Variants in KCTD16 observed in about 807,000 individuals in gnomAD.
KCTD16 encodes potassium channel tetramerization domain containing 16, also known as BTB/POZ domain-containing protein KCTD16.
A neutral mutation model predicts 33.2 loss-of-function variants in KCTD16; 13 were observed. The observed-to-expected ratio is 0.39, with a 90% CI of 0.25 to 0.62. KCTD16 has a LOEUF of 0.62. Ranked by LOEUF, KCTD16 falls within the 20% of genes least tolerant of loss-of-function variation. KCTD16 has a pLI of 0.50. For missense variants in KCTD16, 441 were observed against 525.1 expected, an observed-to-expected ratio of 0.84 and a Z score of 1.57; for synonymous variants, 197 against 195.3, an observed-to-expected ratio of 1.01 and a Z score of -0.07.
intron 2 of KCTD16, among the ~76,000 whole-genome samples, chr5:144,199,790 C>T (rs904129912): frequency 1.5e-5 from 2 of 135,636 alleles, no homozygotes; most frequent in Non-Finnish European, 3.0e-5. Context: ...AATCTTGGCT[C>T]ATTGCAATCT....
intron 3 of KCTD16, among the ~76,000 whole-genome samples, chr5:144,274,082 A>C (rs956394083): frequency 4.9e-4 from 75 of 151,692 alleles, no homozygotes; most frequent in African/African-American, 1.6e-3. Context: ...TTTTAAGAAA[A>C]AGGTTAAAAT....
intron 3 of KCTD16, among the ~76,000 whole-genome samples, chr5:144,259,547 T>G (rs1754949329): frequency 6.6e-6 from 1 of 152,220 alleles, no homozygotes; most frequent in African/African-American, 2.4e-5. Context: ...CAAACCTGTC[T>G]TCTTTTATTG....
At chr5:144,319,305 G>A (rs1010417006) in intron 3 of KCTD16, among the ~76,000 whole-genome samples, 1 of 151,538 alleles carries the variant, frequency 6.6e-6, no homozygotes, top group African/African-American at 2.4e-5. Flanking sequence ...AATAACTTAC[G>A]CAGACTCACA....
chr5:144,353,531 A>G (rs1173369051), intron 3 of KCTD16, among the ~76,000 whole-genome samples: 1 of 152,168 alleles, frequency 6.6e-6, no homozygotes, highest in Non-Finnish European at 1.5e-5. Flanking sequence ...ATTTTATGTC[A>G]TTATTGTAAA....
chr5:144,237,493 C>T (rs1754286589), intron 3 of KCTD16, among the ~76,000 whole-genome samples: 1 of 152,032 alleles, frequency 6.6e-6, no homozygotes, highest in South Asian at 2.1e-4. Flanking sequence ...TCTTTGGTCA[C>T]TTTTTCCTAG....
At chr5:144,209,786 A>AT (rs1753308499) in intron 3 of KCTD16, among the ~76,000 whole-genome samples, 1 of 123,012 alleles carries the variant, frequency 8.1e-6, no homozygotes, top group African/African-American at 3.5e-5. Flanking sequence ...GCTTAGGGGG[A>AT]AATATATATA....
chr5:144,340,945 T>G (rs1459484769), intron 3 of KCTD16, among the ~76,000 whole-genome samples: 1 of 151,874 alleles, frequency 6.6e-6, no homozygotes, highest in Non-Finnish European at 1.5e-5. Flanking sequence ...AGCTACTAGG[T>G]GAGGCAGGAG....
intron 3 of KCTD16, among the ~76,000 whole-genome samples, chr5:144,336,267 G>C (rs1005150754): frequency 6.6e-6 from 1 of 152,194 alleles, no homozygotes; most frequent in Non-Finnish European, 1.5e-5. Flanking sequence ...CTTACTCCCT[G>C]GTGCCTGTAA....
At chr5:144,283,818 T>C (rs1755670346) in intron 3 of KCTD16, among the ~76,000 whole-genome samples, 1 of 152,170 alleles carries the variant, frequency 6.6e-6, no homozygotes, top group East Asian at 1.9e-4. Flanking sequence ...GGACTTTCAT[T>C]ACCTGGAGGA....
At chr5:144,281,986 G>A (rs567135591) in intron 3 of KCTD16, among the ~76,000 whole-genome samples, 6 of 152,008 alleles carry the variant, frequency 3.9e-5, no homozygotes, top group African/African-American at 7.2e-5. Context: ...TACATATTTG[G>A]TCTTTCTCTT....
intron 3 of KCTD16, among the ~76,000 whole-genome samples, chr5:144,392,746 C>A (rs1159500656): frequency 6.6e-6 from 1 of 152,158 alleles, no homozygotes; most frequent in African/African-American, 2.4e-5. Context: ...ACTTGTATTA[C>A]TTCTGGACAG....
At chr5:144,367,408 T>C (rs1751861636) in intron 3 of KCTD16, among the ~76,000 whole-genome samples, 1 of 152,228 alleles carries the variant, frequency 6.6e-6, no homozygotes. Context: ...GATTCCTTTG[T>C]ACCCTTAACA....
chr5:144,410,698 C>G (rs1373116123), intron 3 of KCTD16, among the ~76,000 whole-genome samples: 1 of 152,100 alleles, frequency 6.6e-6, no homozygotes, highest in Non-Finnish European at 1.5e-5. Flanking sequence ...TGTCATGGTA[C>G]TAGGGGTTGA....
At chr5:144,406,016 T>G (rs1434033730) in intron 3 of KCTD16, among the ~76,000 whole-genome samples, 1 of 152,238 alleles carries the variant, frequency 6.6e-6, no homozygotes, top group Admixed American at 6.5e-5. Flanking sequence ...ACTATTGATA[T>G]GCTTTTTAAT....
intron 3 of KCTD16, among the ~76,000 whole-genome samples, chr5:144,362,881 G>A (rs1486212508): frequency 3.9e-5 from 6 of 152,204 alleles, no homozygotes; most frequent in East Asian, 1.9e-4. Flanking sequence ...TACACACCAC[G>A]GAGAGTTCTT....
intron 3 of KCTD16, among the ~76,000 whole-genome samples, chr5:144,403,368 G>T (rs1752745324): frequency 6.6e-6 from 1 of 152,100 alleles, no homozygotes; most frequent in African/African-American, 2.4e-5. Context: ...ATAAGACAAG[G>T]AAAATTTGGA....
At chr5:144,209,485 G>A (rs1051274234) in intron 3 of KCTD16, among the ~76,000 whole-genome samples, 1 of 152,060 alleles carries the variant, frequency 6.6e-6, no homozygotes, top group Non-Finnish European at 1.5e-5. Flanking sequence ...CATATATCTT[G>A]CAAATGATAT....
At chr5:144,230,299 G>A (rs1727978246) in intron 3 of KCTD16, among the ~76,000 whole-genome samples, 1 of 152,154 alleles carries the variant, frequency 6.6e-6, no homozygotes. Context: ...TTATTTGAAT[G>A]CTTTATTGTA....
rs578188701 is a variant in KCTD16, at chr5:144,318,454, C to T, written c.832+110908C>T. On this transcript the variant is annotated intron_variant, in intron 3 of 3. Transcript: ENST00000512467. ...TATTTCATTAGGAGTAATGTTTTCT[C>T]AGCAGATACCAGTTTGCATGCATAA... Among the ~76,000 whole-genome samples, 80 of 152,302 alleles carry T rather than the reference C, an allele frequency of 5.3e-4. 1 individual carries two copies. Among genetic ancestry groups the T allele is most frequent in the Admixed American group, 5.2e-3 (80 of 15,284 alleles).
Sources: gnomAD v4.1 joint callset for allele counts (sites outside exome capture counted in the v4.1 genomes callset) on GRCh38, gnomAD v4.1.1 for gene constraint, MANE v1.5 for transcripts, NCBI Gene and HGNC (gene_info 2026-07-23, HGNC 2026-07-21) for gene names.